The following TAFA2 variants were observed in gnomAD, a reference collection of about 807,000 sequenced individuals.
The protein encoded by TAFA2 is chemokine-like protein TAFA-2.
TAFA2 carries 7 observed loss-of-function variants against 18.8 expected under a neutral mutation model. That is an observed-to-expected ratio of 0.37 (90% CI 0.21 to 0.70). TAFA2 has a LOEUF of 0.70. TAFA2 is among the 30% of genes least tolerant of loss of function. TAFA2 has a pLI of 0.53. For synonymous variants in TAFA2, 60 were observed against 54.2 expected (o/e 1.11, Z -0.47); for missense variants, 122 against 158.1 (o/e 0.77, Z 1.23).
At chr12:62,123,656 A>G (rs984160272) in intron 1 of TAFA2, among the ~76,000 whole-genome samples, 1 of 148,444 alleles carries the variant, frequency 6.7e-6, no homozygotes, top group Non-Finnish European at 1.5e-5. Context: ...TTAACACTTT[A>G]TACTTCTTCA....
intron 1 of TAFA2, among the ~76,000 whole-genome samples, chr12:62,079,677 A>T (rs919384751): frequency 5.9e-5 from 9 of 151,800 alleles, no homozygotes; most frequent in African/African-American, 2.2e-4. Flanking sequence ...AAAAAAAAAA[A>T]ATTTTTAACA....
chr12:61,936,792 A>G (rs1440517028), intron 1 of TAFA2, among the ~76,000 whole-genome samples: 1 of 152,204 alleles, frequency 6.6e-6, no homozygotes, highest in East Asian at 1.9e-4. Flanking sequence ...CTTCTATTCA[A>G]CATAGTACTA....
At chr12:61,786,137 A>C (rs1054230182) in intron 2 of TAFA2, among the ~76,000 whole-genome samples, 1 of 151,602 alleles carries the variant, frequency 6.6e-6, no homozygotes, top group African/African-American at 2.4e-5. Flanking sequence ...AAGAAACAGA[A>C]GCCACAGATC....
rs770983852 is a variant in TAFA2 at position 61,749,109 on chromosome 12, T to TACA, written c.384+4512_384+4513insTGT. Among the ~76,000 whole-genome samples, 680 of 122,176 alleles carry TACA rather than the reference T, an allele frequency of 5.6e-3. 8 individuals carry two copies. The highest frequency in any genetic ancestry group is 0.019 in the African/African-American group (631 of 32,430). The allele number at this position is 122,176 out of a possible 152,430, so 80.2% of individuals were successfully genotyped here. On this transcript the variant is annotated intron_variant, in intron 4 of 4. Coordinates refer to ENST00000416284, the MANE Select transcript of TAFA2 (RefSeq NM_178539.5). The stretch of plus-strand genomic sequence containing the variant: ...AGCAAAACCCCGTTGTTACTAAAAA[T>TACA]AAAAAAAAAAAAAAATAGCTGGGTG...
intron 1 of TAFA2, among the ~76,000 whole-genome samples, chr12:61,981,713 T>C (rs1592528789): frequency 6.6e-6 from 1 of 152,154 alleles, no homozygotes; most frequent in Admixed American, 6.5e-5. Flanking sequence ...AAAAAATGCT[T>C]ATCATCACTG....
chr12:61,841,938 A>C (rs538664551), intron 2 of TAFA2, among the ~76,000 whole-genome samples: 2 of 152,094 alleles, frequency 1.3e-5, no homozygotes, highest in Non-Finnish European at 2.9e-5. Flanking sequence ...AAGAAAGAAG[A>C]TGGAGAAAGA....
intron 1 of TAFA2, among the ~76,000 whole-genome samples, chr12:62,257,964 A>C (rs1247721939): frequency 6.6e-6 from 1 of 152,228 alleles, no homozygotes; most frequent in Admixed American, 6.5e-5. Context: ...GAGATCACTA[A>C]AACGTTGATT....
chr12:62,123,380 T>G (rs1870298629), intron 1 of TAFA2, among the ~76,000 whole-genome samples: 1 of 151,714 alleles, frequency 6.6e-6, no homozygotes, highest in African/African-American at 2.4e-5. Context: ...GCCTGTAAGG[T>G]AATAGACTGA....
At chr12:62,075,232 G>A (rs764739343) in intron 1 of TAFA2, among the ~76,000 whole-genome samples, 33 of 152,250 alleles carry the variant, frequency 2.2e-4, no homozygotes, top group African/African-American at 3.6e-4. Context: ...AATGTACTGT[G>A]TATTTCATTA....
chr12:61,765,091 T>C (rs953709382), intron 2 of TAFA2, among the ~76,000 whole-genome samples: 7 of 152,112 alleles, frequency 4.6e-5, no homozygotes, highest in African/African-American at 1.4e-4. Context: ...AGCTAGGCTA[T>C]TTTCCAGTCT....
At chr12:61,929,798 A>G (rs1274597406) in intron 1 of TAFA2, among the ~76,000 whole-genome samples, 1 of 152,148 alleles carries the variant, frequency 6.6e-6, no homozygotes, top group Non-Finnish European at 1.5e-5. Context: ...AATGTGGCAC[A>G]TATACACCAT....
At chr12:62,076,133 G>T (rs772231163) in intron 1 of TAFA2, among the ~76,000 whole-genome samples, 1 of 152,084 alleles carries the variant, frequency 6.6e-6, no homozygotes, top group Non-Finnish European at 1.5e-5. Context: ...TTTCAAAAGG[G>T]AAGTGAATTT....
chr12:62,217,174 C>A (rs2062739226), intron 1 of TAFA2, among the ~76,000 whole-genome samples: 1 of 152,162 alleles, frequency 6.6e-6, no homozygotes, highest in African/African-American at 2.4e-5. Context: ...AGGCTACAAG[C>A]TTTGAGTGGG....
chr12:61,751,299 A>G (rs924725166), intron 4 of TAFA2, among the ~76,000 whole-genome samples: 13 of 152,092 alleles, frequency 8.5e-5, no homozygotes, highest in African/African-American at 3.1e-4. Context: ...TGGTGGGCCA[A>G]ACTAAATTGC....
At chr12:61,775,626 T>C (rs1870224965) in intron 2 of TAFA2, among the ~76,000 whole-genome samples, 1 of 151,322 alleles carries the variant, frequency 6.6e-6, no homozygotes, top group Admixed American at 6.6e-5. Flanking sequence ...TATCAGGGAG[T>C]AGGGGAAAGG....
At chr12:62,221,262 G>GT (rs2062761553) in intron 1 of TAFA2, among the ~76,000 whole-genome samples, 4 of 142,788 alleles carry the variant, frequency 2.8e-5, no homozygotes, top group Non-Finnish European at 4.6e-5. Context: ...AGGAAGGAAG[G>GT]AAGTTTGAAA....
intron 2 of TAFA2, among the ~76,000 whole-genome samples, chr12:61,862,512 G>C: frequency 6.6e-6 from 1 of 152,210 alleles, no homozygotes; most frequent in Middle Eastern, 3.4e-3. Context: ...TTCAGAAAAC[G>C]GAGTAATACA....
chr12:62,164,332 T>TCTGGTG (rs1478575279), intron 1 of TAFA2, among the ~76,000 whole-genome samples: 1 of 152,174 alleles, frequency 6.6e-6, no homozygotes, highest in Non-Finnish European at 1.5e-5. Context: ...ATTTTTATAC[T>TCTGGTG]CTGGACATCA....
chr12:61,760,912 G>A (rs1032332688), intron 2 of TAFA2, among the ~76,000 whole-genome samples: 11 of 150,832 alleles, frequency 7.3e-5, no homozygotes, highest in Admixed American at 2.0e-4. Context: ...CTCCATGGAC[G>A]TGATGCATAA....
Sources: allele counts gnomAD v4.1 joint callset (sites outside exome capture counted in the v4.1 genomes callset), GRCh38; gene constraint gnomAD v4.1.1; transcripts MANE v1.5; gene names NCBI Gene and HGNC (gene_info 2026-07-23, HGNC 2026-07-21).